GPM6A: variants seen among roughly 807,000 people sequenced by gnomAD.
GPM6A encodes neuronal membrane glycoprotein M6-a.
GPM6A carries 7 observed loss-of-function variants against 32.1 expected under a neutral mutation model. The observed-to-expected ratio is 0.22, with a 90% CI of 0.12 to 0.41. GPM6A has a LOEUF of 0.41. Ranked by LOEUF, GPM6A falls within the 10% of genes least tolerant of loss-of-function variation. The probability of loss-of-function intolerance (pLI) is 1.00; values close to 1 mark genes in which losing one functional copy is unlikely to be tolerated. For synonymous variants in GPM6A, 130 were observed against 123.4 expected, an observed-to-expected ratio of 1.05 and a Z score of -0.35; for missense variants, 235 against 347.2, an observed-to-expected ratio of 0.68 and a Z score of 2.57.
At chr4:175,679,611 T>C (rs1315959939) in intron 2 of GPM6A, among the ~76,000 whole-genome samples, 5 of 152,182 alleles carry the variant, frequency 3.3e-5, no homozygotes, top group Non-Finnish European at 1.5e-5. Flanking sequence ...GATGATTTCC[T>C]AACTCCATTA....
chr4:175,699,107 G>A (rs2111057683), intron 2 of GPM6A, among the ~76,000 whole-genome samples: 1 of 152,290 alleles, frequency 6.6e-6, no homozygotes. Flanking sequence ...AAGGACATCT[G>A]TGATGGTTTA....
intron 1 of GPM6A, among the ~76,000 whole-genome samples, chr4:175,949,074 A>G (rs976169485): frequency 6.6e-5 from 10 of 152,106 alleles, no homozygotes; most frequent in African/African-American, 2.4e-4. Context: ...GCAACTAAGA[A>G]ATCAAAAAAA....
At chr4:175,670,927 G>A (rs548593123) in intron 3 of GPM6A, among the ~76,000 whole-genome samples, 3 of 146,044 alleles carry the variant, frequency 2.1e-5, no homozygotes, top group African/African-American at 7.6e-5. Context: ...GCAGTGGCAC[G>A]ATCTGGGCTC....
At chr4:175,820,354 C>T (rs1029065216) in intron 1 of GPM6A, among the ~76,000 whole-genome samples, 13 of 152,084 alleles carry the variant, frequency 8.5e-5, no homozygotes, top group Non-Finnish European at 1.9e-4. Context: ...TGTTAATAAT[C>T]ACTCAGGACT....
chr4:175,826,171 ACAAAC>A (rs1735429985), intron 1 of GPM6A, among the ~76,000 whole-genome samples: 4 of 148,932 alleles, frequency 2.7e-5, no homozygotes, highest in African/African-American at 1.0e-4. Flanking sequence ...AAACAAACAA[ACAAAC>A]AAAAAAACTG....
rs182241086 is a variant in GPM6A, at chr4:175,658,465, G to A, written c.388-6478C>T. 2.2e-3 allele frequency among the ~76,000 whole-genome samples: 336 copies of A among 152,258 alleles called. 2 individuals are homozygous for A. The highest frequency in any genetic ancestry group is 9.8e-3 in the South Asian group (47 of 4,820). On this transcript the variant is annotated intron_variant, in intron 3 of 6. Transcript: ENST00000393658. ...TGGAGCACAGAGGATTTGTAGAACC[G>A]TGAAACTATTCTGTATGAAAGTATA...
At chr4:175,673,871 C>A in intron 2 of GPM6A, 35 bp from the exon 3 acceptor site, 6 of 1,441,738 alleles carry the variant, frequency 4.2e-6, no homozygotes, top group Middle Eastern at 1.8e-4. Flanking sequence ...ATTTCAATAA[C>A]TTTTCATTGC....
At chr4:175,671,163 T>C (rs1277637136) in intron 3 of GPM6A, among the ~76,000 whole-genome samples, 1 of 152,046 alleles carries the variant, frequency 6.6e-6, no homozygotes, top group Non-Finnish European at 1.5e-5. Context: ...ACGCCCGGCC[T>C]GCTGCTTCAA....
chr4:175,690,517 T>C (rs760946907), intron 2 of GPM6A, among the ~76,000 whole-genome samples: 2 of 152,224 alleles, frequency 1.3e-5, no homozygotes, highest in Non-Finnish European at 2.9e-5. Flanking sequence ...GGCAGAGCCC[T>C]ACTCCCTCTA....
At chr4:175,877,502 G>T (rs1447109791) in intron 1 of GPM6A, among the ~76,000 whole-genome samples, 1 of 152,120 alleles carries the variant, frequency 6.6e-6, no homozygotes, top group Non-Finnish European at 1.5e-5. Flanking sequence ...TAATCATGGT[G>T]GAAGGCACCT....
intron 1 of GPM6A, among the ~76,000 whole-genome samples, chr4:175,843,564 C>G (rs1303269280): frequency 6.6e-6 from 1 of 152,182 alleles, no homozygotes; most frequent in Non-Finnish European, 1.5e-5. Context: ...AAATCCTACT[C>G]TGAAGGAGTT....
At chr4:175,702,410 C>A (rs1330111764) in intron 1 of GPM6A, among the ~76,000 whole-genome samples, 1 of 152,182 alleles carries the variant, frequency 6.6e-6, no homozygotes, top group Non-Finnish European at 1.5e-5. Context: ...CTATCGAATA[C>A]TAGAACTTAT....
chr4:176,000,556 A>T (rs555363021), intron 1 of GPM6A, among the ~76,000 whole-genome samples: 18 of 152,348 alleles, frequency 1.2e-4, no homozygotes, highest in African/African-American at 4.3e-4. Context: ...CTCGAGCTTG[A>T]GGTTACAAGG....
At chr4:175,683,756 G>A (rs1490129199) in intron 2 of GPM6A, among the ~76,000 whole-genome samples, 1 of 151,936 alleles carries the variant, frequency 6.6e-6, no homozygotes, top group Non-Finnish European at 1.5e-5. Flanking sequence ...AGATTCCTGA[G>A]GACTGCCCAG....
intron 1 of GPM6A, among the ~76,000 whole-genome samples, chr4:175,858,948 T>G (rs1736494530): frequency 6.6e-6 from 1 of 152,204 alleles, no homozygotes; most frequent in African/African-American, 2.4e-5. Flanking sequence ...AAAATAATTA[T>G]GCTGCAAGAA....
chr4:175,802,063 G>A (rs1382674178), intron 1 of GPM6A, among the ~76,000 whole-genome samples: 3 of 151,998 alleles, frequency 2.0e-5, no homozygotes, highest in African/African-American at 7.2e-5. Flanking sequence ...GTGTTGTAGA[G>A]ATCAATCATG....
At chr4:175,958,412 T>G (rs973914230) in intron 1 of GPM6A, among the ~76,000 whole-genome samples, 2 of 152,254 alleles carry the variant, frequency 1.3e-5, no homozygotes, top group African/African-American at 4.8e-5. Flanking sequence ...GTTACAGATG[T>G]GCAAATTATG....
At chr4:175,719,203 C>CTTT (rs33963681) in intron 1 of GPM6A, among the ~76,000 whole-genome samples, 7 of 146,626 alleles carry the variant, frequency 4.8e-5, no homozygotes, top group African/African-American at 1.5e-4. Flanking sequence ...TATAACACAA[C>CTTT]TTTTTTTTTT....
At chr4:175,785,880 A>G (rs1733778738) in intron 1 of GPM6A, among the ~76,000 whole-genome samples, 2 of 152,184 alleles carry the variant, frequency 1.3e-5, no homozygotes, top group Admixed American at 6.6e-5. Flanking sequence ...TTCAATGAGG[A>G]ACAAGATGGA....
Sources: gnomAD v4.1 joint callset for allele counts (sites outside exome capture counted in the v4.1 genomes callset) on GRCh38, gnomAD v4.1.1 for gene constraint, MANE v1.5 for transcripts, NCBI Gene and HGNC (gene_info 2026-07-23, HGNC 2026-07-21) for gene names.